Variants in DIAPH2 observed in about 807,000 individuals in gnomAD.
DIAPH2 encodes the protein protein diaphanous homolog 2.
A neutral mutation model predicts 92.7 loss-of-function variants in DIAPH2; 35 were observed. The observed-to-expected ratio is 0.38, with a 90% CI of 0.29 to 0.50. DIAPH2 has a LOEUF of 0.50. DIAPH2 is among the 20% of genes least tolerant of loss of function. The probability of loss-of-function intolerance (pLI) is 0.94; values close to 1 mark genes in which losing one functional copy is unlikely to be tolerated. For missense variants in DIAPH2, 701 were observed against 819.5 expected, an observed-to-expected ratio of 0.86 and a Z score of 1.77; for synonymous variants, 301 against 280.4, an observed-to-expected ratio of 1.07 and a Z score of -0.73.
At chrX:97,228,293 TTTTCCTAATAC>T (rs1290029974) in intron 22 of DIAPH2, among the ~76,000 whole-genome samples, 1 of 111,628 alleles carries the variant, frequency 9.0e-6, no homozygotes, top group East Asian at 2.8e-4. Context: ...AAAATGGTAG[TTTTCCTAATAC>T]TTAAACTTTA....
intron 4 of DIAPH2, among the ~76,000 whole-genome samples, chrX:96,846,765 GT>G (rs35260797): frequency 0.025 from 2,327 of 94,513 alleles, 45 homozygotes; most frequent in African/African-American, 0.057. Context: ...GTACAAAATA[GT>G]TTTTTTTTTT....
At chrX:97,567,953 A>G (rs1391353766) in intron 26 of DIAPH2, among the ~76,000 whole-genome samples, 1 of 108,104 alleles carries the variant, frequency 9.3e-6, no homozygotes, top group Non-Finnish European at 1.9e-5. Context: ...CATCTCTACT[A>G]AAAAGTACAA....
At chrX:97,299,087 T>C (rs1035481019) in intron 23 of DIAPH2, among the ~76,000 whole-genome samples, 4 of 111,504 alleles carry the variant, frequency 3.6e-5, no homozygotes, top group African/African-American at 9.8e-5. Context: ...TCCAGGCCAA[T>C]TGAGCAGTCA....
intron 26 of DIAPH2, among the ~76,000 whole-genome samples, chrX:97,489,026 A>G (rs1645569409): frequency 8.9e-6 from 1 of 112,092 alleles, no homozygotes; most frequent in African/African-American, 3.2e-5. Flanking sequence ...TCTATAGATT[A>G]TCTTAAGTAG....
intron 26 of DIAPH2, among the ~76,000 whole-genome samples, chrX:97,481,960 C>A (rs2070653947): frequency 8.9e-6 from 1 of 111,884 alleles, no homozygotes; most frequent in Non-Finnish European, 1.9e-5. Flanking sequence ...TATTCTCTTG[C>A]CTGCCATTTT....
At chrX:96,781,753 A>G (rs947880335) in intron 4 of DIAPH2, among the ~76,000 whole-genome samples, 1 of 110,703 alleles carries the variant, frequency 9.0e-6, no homozygotes, top group African/African-American at 3.3e-5. Flanking sequence ...AAAACATGAG[A>G]TAATTTCCTT....
chrX:97,527,511 A>T (rs1473952157), intron 26 of DIAPH2, among the ~76,000 whole-genome samples: 1 of 112,019 alleles, frequency 8.9e-6, no homozygotes, highest in African/African-American at 3.2e-5. Context: ...AAGTGGGAAA[A>T]CTTTGCTTTA....
chrX:96,751,672 G>GAAA (rs2064192394), intron 3 of DIAPH2, among the ~76,000 whole-genome samples: 1 of 19,951 alleles, frequency 5.0e-5, no homozygotes, highest in African/African-American at 2.3e-4. Context: ...TTTTTTTTTT[G>GAAA]AGACGAAGTC....
At chrX:96,906,980 T>C (rs1367042745) in intron 5 of DIAPH2, among the ~76,000 whole-genome samples, 3 of 111,753 alleles carry the variant, frequency 2.7e-5, no homozygotes, top group African/African-American at 9.8e-5. Context: ...TCCTGACTGG[T>C]CTATTGTTTT....
chrX:97,579,143 T>C (rs1373111281), intron 26 of DIAPH2, among the ~76,000 whole-genome samples: 1 of 110,421 alleles, frequency 9.1e-6, no homozygotes, highest in Non-Finnish European at 1.9e-5. Context: ...CTGATGGTAG[T>C]TTCTTTTGCT....
intron 24 of DIAPH2, among the ~76,000 whole-genome samples, chrX:97,356,027 T>C (rs1406659699): frequency 1.8e-5 from 2 of 112,000 alleles, no homozygotes; most frequent in Non-Finnish European, 3.8e-5. Context: ...AAAATGCCTA[T>C]GTGTGGGCCA....
chrX:97,562,526 A>G (rs1343415932), intron 26 of DIAPH2, among the ~76,000 whole-genome samples: 5 of 27,518 alleles, frequency 1.8e-4, no homozygotes, highest in Non-Finnish European at 3.9e-4. Flanking sequence ...ACAGAGCAAG[A>G]CTCCCTCTCA....
chrX:97,147,767 TAAATA>T (rs2067257340), intron 22 of DIAPH2, among the ~76,000 whole-genome samples: 1 of 111,552 alleles, frequency 9.0e-6, no homozygotes, highest in Non-Finnish European at 1.9e-5. Flanking sequence ...TTTTATGAAT[TAAATA>T]AATTATTATA....
intron 23 of DIAPH2, among the ~76,000 whole-genome samples, chrX:97,258,870 C>CA (rs141981932): frequency 0.088 from 3,430 of 39,092 alleles, 459 homozygotes; most frequent in African/African-American, 0.28. Context: ...GACTCCGTCT[C>CA]AAAAAAAAAA....
chrX:97,357,795 G>A (rs2147701646), intron 24 of DIAPH2, among the ~76,000 whole-genome samples: 1 of 111,944 alleles, frequency 8.9e-6, no homozygotes, highest in African/African-American at 3.2e-5. Context: ...ACAAATAGTG[G>A]TAATGAAATA....
intron 24 of DIAPH2, among the ~76,000 whole-genome samples, chrX:97,380,188 A>C (rs1269129172): frequency 9.0e-6 from 1 of 111,029 alleles, no homozygotes; most frequent in African/African-American, 3.3e-5. Flanking sequence ...CCTTTTACCA[A>C]CCCTTAACAG....
intron 21 of DIAPH2, among the ~76,000 whole-genome samples, chrX:97,118,410 G>A (rs756859281): frequency 8.9e-6 from 1 of 111,758 alleles, no homozygotes; most frequent in Admixed American, 9.5e-5. Context: ...CTGATTGACA[G>A]TGCTACCAAA....
intron 23 of DIAPH2, among the ~76,000 whole-genome samples, chrX:97,294,095 G>A (rs1312246142): frequency 3.6e-5 from 4 of 111,679 alleles, no homozygotes; most frequent in Non-Finnish European, 7.5e-5. Flanking sequence ...ATATTTGAAT[G>A]GATTCCTTGC....
At chrX:96,921,697 G>GTTTTTTTTTT (rs373282813) in intron 9 of DIAPH2, among the ~76,000 whole-genome samples, 1 of 88,008 alleles carries the variant, frequency 1.1e-5, no homozygotes, top group Non-Finnish European at 2.2e-5. Context: ...TACCTTTATG[G>GTTTTTTTTTT]TTTTTTTTTT....
Sources: allele counts gnomAD v4.1 joint callset (sites outside exome capture counted in the v4.1 genomes callset), GRCh38; gene constraint gnomAD v4.1.1; transcripts MANE v1.5; gene names NCBI Gene and HGNC (gene_info 2026-07-23, HGNC 2026-07-21).